Variants in RFC3 observed in about 807,000 individuals in gnomAD.
RFC3 encodes replication factor C subunit 3, also known as A1 38 kDa subunit.
In RFC3, 41 loss-of-function variants were observed where a neutral mutation model predicts 45.1. The observed-to-expected ratio is 0.91, with a 90% CI of 0.71 to 1.18. The LOEUF (loss-of-function observed/expected upper bound fraction) is 1.18. Among genes scored for constraint, RFC3 ranks in the 50% most tolerant of loss-of-function variants. The probability of loss-of-function intolerance (pLI) is 0.00; values close to 1 mark genes in which losing one functional copy is unlikely to be tolerated. For missense variants in RFC3, 423 were observed against 428.1 expected, an observed-to-expected ratio of 0.99 and a Z score of 0.10; for synonymous variants, 149 against 144.0, an observed-to-expected ratio of 1.03 and a Z score of -0.25.
chr13:33,868,830 C>G (rs1206184629), intron 8 of RFC3, among the ~76,000 whole-genome samples: 1 of 152,174 alleles, frequency 6.6e-6, no homozygotes, highest in African/African-American at 2.4e-5. Flanking sequence ...TATCAAGAAC[C>G]TGGATGACTC....
Position 33,938,533 on chromosome 13 carries a change from G to A in RFC3, c.880-27554G>A, listed in dbSNP as rs745448876. Reference sequence around the variant, plus strand: ...ATGGTGTTAAAAATCCATTTATTTGGTCTGTTTTGGAAACTTATACAAGTG... The same window carrying A: ...ATGGTGTTAAAAATCCATTTATTTGATCTGTTTTGGAAACTTATACAAGTG... On this transcript the variant is annotated intron_variant, in intron 8 of 8. Coordinates refer to the RFC3 transcript ENST00000434425. Among the ~76,000 whole-genome samples, 52 of 151,984 alleles carry A rather than the reference G, an allele frequency of 3.4e-4. No homozygotes were observed. The Middle Eastern group carries it at 0.017, about 50-fold the overall frequency.
chr13:33,956,017 A>G (rs1270016380), intron 8 of RFC3, among the ~76,000 whole-genome samples: 1 of 152,246 alleles, frequency 6.6e-6, no homozygotes, highest in Non-Finnish European at 1.5e-5. Flanking sequence ...AACAAAGTTT[A>G]ACAACTGTAT....
downstream of RFC3, among the ~76,000 whole-genome samples, chr13:33,842,039 T>C (rs961158732): frequency 6.6e-6 from 1 of 152,114 alleles, no homozygotes; most frequent in East Asian, 1.9e-4. Flanking sequence ...TCCAGCACTT[T>C]GGGAGGCTGA....
chr13:33,920,554 A>G (rs1419134411), intron 8 of RFC3, among the ~76,000 whole-genome samples: 1 of 150,152 alleles, frequency 6.7e-6, no homozygotes, highest in Non-Finnish European at 1.5e-5. Flanking sequence ...TTAGCCTCCT[A>G]AGTAGCTGGG....
At chr13:33,830,115 G>C in intron 5 of RFC3, 98 bp downstream of exon 5, 1 of 1,050,400 alleles carries the variant, frequency 9.5e-7, no homozygotes, top group Non-Finnish European at 1.4e-6. Context: ...AGTAATTTAA[G>C]AACACCTACA....
intron 8 of RFC3, among the ~76,000 whole-genome samples, chr13:33,877,101 A>G (rs1190109153): frequency 2.0e-5 from 3 of 152,206 alleles, no homozygotes; most frequent in Non-Finnish European, 4.4e-5. Context: ...TGCATTATCC[A>G]ATTGGATTCA....
At chr13:33,934,085 T>C (rs9570614) in intron 8 of RFC3, among the ~76,000 whole-genome samples, 21,186 of 151,714 alleles carry the variant, frequency 0.14, 3,209 homozygotes, top group African/African-American at 0.38. Context: ...AAAGAGCATG[T>C]AGGAGGATGG....
intron 1 of RFC3, among the ~76,000 whole-genome samples, chr13:33,818,881 GT>G (rs72236854): frequency 0.065 from 7,269 of 111,494 alleles, 340 homozygotes; most frequent in African/African-American, 0.15. Context: ...CCTGAGATTA[GT>G]TTTTTTTTTT....
intron 7 of RFC3, among the ~76,000 whole-genome samples, chr13:33,833,016 C>T (rs764397515): frequency 5.9e-5 from 9 of 152,152 alleles, no homozygotes; most frequent in Admixed American, 6.5e-5. Context: ...GTGCAGGAAG[C>T]GGTGCTCCTG....
At position 33,836,423 on chromosome 13, in the gene RFC3, T is replaced by A. The variant is rs1037099008; in HGVS notation, c.*128T>A. The A allele has an allele frequency of 2.0e-6, 3 of 1,479,214 alleles. No homozygotes were observed. In the African/African-American group the frequency reaches 4.2e-5, roughly 21 times the overall value. The allele number at this position is 1,479,214 out of a possible 1,614,324, so 91.6% of individuals were successfully genotyped here. On this transcript the variant is annotated 3_prime_UTR_variant, in exon 9 of 9. Transcript: ENST00000380071. ...TTTGCGTTTTTTTGGTAATAACTTC[T>A]CTGTGAACTATTAATCATCCTCTGA...
chr13:33,862,968 ATAAAT>A (rs2082350838), intron 8 of RFC3, among the ~76,000 whole-genome samples: 1 of 152,216 alleles, frequency 6.6e-6, no homozygotes, highest in Non-Finnish European at 1.5e-5. Flanking sequence ...ATTGTTTATA[ATAAAT>A]TAATTCTTAC....
rs547088190 is a variant in RFC3, at chr13:33,885,934, T to A, written c.879+50717T>A. Among the ~76,000 whole-genome samples, 8 of 152,184 alleles carry A rather than the reference T, an allele frequency of 5.3e-5. No individual in the cohort carries two copies. The East Asian group carries it at 1.5e-3, about 29-fold the overall frequency. ...TTGCTTTTCCATTCTCTCTTGCAAC[T>A]AGTGATGGTCATATGATAACTGCTG... is the stretch of plus-strand genomic sequence containing the variant. On this transcript the variant is annotated intron_variant, in intron 8 of 8. Transcript: ENST00000434425.
intron 8 of RFC3, among the ~76,000 whole-genome samples, chr13:33,917,658 G>A (rs1237112891): frequency 6.6e-6 from 1 of 152,044 alleles, no homozygotes; most frequent in African/African-American, 2.4e-5. Context: ...CTTGTTTTAT[G>A]TAAGTTGACC....
chr13:33,829,492 T>G (rs761721813), intron 4 of RFC3: 3 of 233,022 alleles, frequency 1.3e-5, no homozygotes, highest in African/African-American at 2.3e-5. Context: ...TTTAGCCTAG[T>G]GTTTCTTGGT....
intron 8 of RFC3, among the ~76,000 whole-genome samples, chr13:33,863,914 C>T (rs563164789): frequency 1.3e-5 from 2 of 152,248 alleles, no homozygotes; most frequent in East Asian, 1.9e-4. Flanking sequence ...TCTGACTTAG[C>T]GTATTTAGTC....
chr13:33,856,604 A>T (rs945126397), intron 8 of RFC3, among the ~76,000 whole-genome samples: 1 of 152,174 alleles, frequency 6.6e-6, no homozygotes. Context: ...AATACAGACA[A>T]TTGGTCTTGA....
intron 8 of RFC3, chr13:33,965,974 T>A: frequency 1.3e-6 from 1 of 746,340 alleles, no homozygotes; most frequent in Non-Finnish European, 2.3e-6. Flanking sequence ...AGCTTGCTCC[T>A]GAGCCTTAAA....
intron 8 of RFC3, among the ~76,000 whole-genome samples, chr13:33,930,393 A>G (rs2082844031): frequency 1.3e-5 from 2 of 152,074 alleles, no homozygotes; most frequent in South Asian, 2.1e-4. Flanking sequence ...TGAAGAACCT[A>G]AAGTCTGATA....
chr13:33,821,095 T>G, intron 1 of RFC3, 37 bp from the exon 2 acceptor site: 1 of 1,610,560 alleles, frequency 6.2e-7, no homozygotes, highest in Non-Finnish European at 8.5e-7. Context: ...AGCAGTTCAG[T>G]TTGACTAGGG....
Sources: gnomAD v4.1 joint callset for allele counts (sites outside exome capture counted in the v4.1 genomes callset) on GRCh38, gnomAD v4.1.1 for gene constraint, MANE v1.5 for transcripts, NCBI Gene and HGNC (gene_info 2026-07-23, HGNC 2026-07-21) for gene names.